Variants in NCOA2 observed in about 807,000 individuals in gnomAD.
NCOA2 encodes class E basic helix-loop-helix protein 75.
In NCOA2, 21 loss-of-function variants were observed where a neutral mutation model predicts 145.1. That is an observed-to-expected ratio of 0.14 (90% CI 0.10 to 0.21). NCOA2 has a LOEUF of 0.21. NCOA2 is among the 10% of genes least tolerant of loss of function. The pLI is 1.00. For synonymous variants in NCOA2, 619 were observed against 637.5 expected (o/e 0.97, Z 0.44); for missense variants, 1,472 against 1,837.6 (o/e 0.80, Z 3.64).
the NCOA2 span, among the ~76,000 whole-genome samples, chr8:70,431,377 AC>A: frequency 5.5e-3 from 835 of 152,284 alleles, 2 homozygotes; most frequent in Non-Finnish European, 8.0e-3. Context: ...CATTCTCTTG[AC>A]ATTGCCAAAG....
At chr8:70,278,749 T>C (rs970460061) in intron 2 of NCOA2, among the ~76,000 whole-genome samples, 6 of 152,022 alleles carry the variant, frequency 3.9e-5, no homozygotes, top group Non-Finnish European at 4.4e-5. Context: ...GGCAGATCAC[T>C]TGAGGCCAGG....
At chr8:70,143,073 C>A (rs7841827) in intron 13 of NCOA2, among the ~76,000 whole-genome samples, 3,798 of 152,074 alleles carry the variant, frequency 0.025, 162 homozygotes, top group African/African-American at 0.087. Flanking sequence ...CCTCAGCCTC[C>A]TGAGTAGCCG....
At chr8:70,417,618 C>T in the NCOA2 span, among the ~76,000 whole-genome samples, 11 of 152,086 alleles carry the variant, frequency 7.2e-5, no homozygotes, top group East Asian at 1.9e-4. Context: ...ATTCTGTATT[C>T]CCCTTGCCCT....
the NCOA2 span, among the ~76,000 whole-genome samples, chr8:70,446,300 C>G: frequency 6.6e-6 from 1 of 152,098 alleles, no homozygotes; most frequent in Non-Finnish European, 1.5e-5. Flanking sequence ...GGCTGGGTGC[C>G]CAAAATTTGG....
chr8:70,286,785 G>A (rs989306074), intron 2 of NCOA2, among the ~76,000 whole-genome samples: 3 of 152,056 alleles, frequency 2.0e-5, no homozygotes, highest in Non-Finnish European at 4.4e-5. Context: ...AAGAGCAGCT[G>A]TAATTTCCCC....
At chr8:70,356,039 G>A (rs1809656453) in intron 1 of NCOA2, among the ~76,000 whole-genome samples, 1 of 152,098 alleles carries the variant, frequency 6.6e-6, no homozygotes, top group African/African-American at 2.4e-5. Flanking sequence ...GTCTACCCAA[G>A]GGCTACACAA....
chr8:70,334,637 C>T (rs998512843), intron 1 of NCOA2, among the ~76,000 whole-genome samples: 1 of 152,160 alleles, frequency 6.6e-6, no homozygotes, highest in Non-Finnish European at 1.5e-5. Flanking sequence ...ATCCTTACAT[C>T]AATCCTAGTA....
At chr8:70,406,056 G>C (rs1814772972), upstream of NCOA2, among the ~76,000 whole-genome samples, 4 of 152,168 alleles carry the variant, frequency 2.6e-5, no homozygotes, top group South Asian at 8.3e-4. Context: ...TCTTGCACTA[G>C]AGTTGTTTAT....
chr8:70,379,094 C>T (rs1280793597), intron 1 of NCOA2, among the ~76,000 whole-genome samples: 2 of 151,412 alleles, frequency 1.3e-5, no homozygotes, highest in Non-Finnish European at 2.9e-5. Context: ...CAAGATAAAT[C>T]TCTTAATGTT....
At chr8:70,354,178 T>C (rs1809480823) in intron 1 of NCOA2, among the ~76,000 whole-genome samples, 1 of 152,228 alleles carries the variant, frequency 6.6e-6, no homozygotes, top group South Asian at 2.1e-4. Context: ...TCTTATCTTT[T>C]CTTATATCGT....
rs572119276 is a variant in NCOA2 at position 70,374,854 on chromosome 8, GTCTT to G, written c.-77+28842_-77+28845del. On this transcript the variant is annotated intron_variant, in intron 1 of 22. Transcript: ENST00000452400. ...ATATATGCCGATACGTTAAAAAAAAGTCTTTCTAAAAGATGAGATTACAGAAAAT... is the reference window on the plus strand; with the variant it reads ...ATATATGCCGATACGTTAAAAAAAAGTCTAAAAGATGAGATTACAGAAAAT... 6.9e-4 allele frequency among the ~76,000 whole-genome samples: 104 copies of G among 150,090 alleles called. 1 individual carries two copies. The South Asian group carries it at 0.011, about 16-fold the overall frequency.
chr8:70,259,058 G>A (rs1194557557), intron 2 of NCOA2, among the ~76,000 whole-genome samples: 1 of 152,156 alleles, frequency 6.6e-6, no homozygotes, highest in East Asian at 1.9e-4. Context: ...TTTTTATGCA[G>A]ACAGATCACT....
rs905695734 is a variant in NCOA2, at chr8:70,132,029, G to A, written c.3159-27C>T. ...TGTAAAGACAGAAATGTCACCTTGG[G>A]CCAATGGAAAAGCTAGTTGATTAGA... On this transcript the variant is annotated intron_variant, in intron 15 of 22. Transcript: ENST00000452400. 5 of 1,600,924 alleles carry A rather than the reference G, an allele frequency of 3.1e-6. No homozygotes were observed. The African/African-American group carries it at 5.4e-5, about 17-fold the overall frequency.
At position 70,113,605 on chromosome 8, in the gene NCOA2, CTGA is replaced by C; in HGVS notation, c.*24_*26del. On this transcript the variant is annotated 3_prime_UTR_variant, in exon 23 of 23. Transcript: ENST00000452400. ...GTTTTGAGCAAGTGAGCCCGGTCAG[CTGA>C]AGAAGCAACTGGCTTCAGCAGTGTC... The C allele has an allele frequency of 1.3e-6, 2 of 1,551,692 alleles. No individual in the cohort carries two copies. The highest frequency in any genetic ancestry group is 1.7e-6 in the Non-Finnish European group (2 of 1,146,876).
upstream of NCOA2, among the ~76,000 whole-genome samples, chr8:70,405,834 A>C (rs897887799): frequency 1.3e-5 from 2 of 152,114 alleles, no homozygotes; most frequent in Admixed American, 6.6e-5. Context: ...CCCCCATTGC[A>C]TTCCCGTATT....
chr8:70,235,919 T>C (rs890292932), intron 2 of NCOA2, among the ~76,000 whole-genome samples: 1 of 152,238 alleles, frequency 6.6e-6, no homozygotes, highest in African/African-American at 2.4e-5. Context: ...TGCTGCTTTA[T>C]AGTATCTTTG....
the NCOA2 span, among the ~76,000 whole-genome samples, chr8:70,412,716 T>C: frequency 6.6e-6 from 1 of 151,164 alleles, no homozygotes; most frequent in Non-Finnish European, 1.5e-5. Flanking sequence ...CACATCTCAT[T>C]TGAGTATTGC....
the NCOA2 span, among the ~76,000 whole-genome samples, chr8:70,453,255 C>T: frequency 6.6e-6 from 1 of 152,192 alleles, no homozygotes; most frequent in Non-Finnish European, 1.5e-5. Context: ...CTTCCCCTTA[C>T]CCTGGCGTTG....
intron 1 of NCOA2, among the ~76,000 whole-genome samples, chr8:70,321,663 C>T (rs141106255): frequency 3.3e-5 from 5 of 152,166 alleles, no homozygotes; most frequent in African/African-American, 1.2e-4. Context: ...AGAAGCAAAA[C>T]AGCATTCTTT....
Sources: gnomAD v4.1 joint callset for allele counts (sites outside exome capture counted in the v4.1 genomes callset) on GRCh38, gnomAD v4.1.1 for gene constraint, MANE v1.5 for transcripts, NCBI Gene and HGNC (gene_info 2026-07-23, HGNC 2026-07-21) for gene names.